The following JHY variants were observed in gnomAD, a reference collection of about 807,000 sequenced individuals.
JHY encodes jhy protein homolog.
JHY carries 69 observed loss-of-function variants against 78.0 expected under a neutral mutation model. That is an observed-to-expected ratio of 0.88 (90% confidence interval 0.73 to 1.08). The LOEUF is 1.08. Ranked by LOEUF, JHY falls within the 50% of genes least tolerant of loss-of-function variation. JHY has a pLI of 0.00. For missense variants in JHY, 944 were observed against 927.8 expected (o/e 1.02, Z -0.23); for synonymous variants, 368 against 342.6 (o/e 1.07, Z -0.82).
Position 122,883,472 on chromosome 11 carries a change from G to C in JHY, c.-90+500G>C, listed in dbSNP as rs1862429198. The stretch of plus-strand genomic sequence containing the variant: ...GCTAGTGGACTAGACCCACTGCAGG[G>C]ATCCCTGGGGAGCTGGCCGCTTCTT... On this transcript the variant is annotated intron_variant, in intron 1 of 8. Coordinates refer to ENST00000227349, the MANE Select transcript of JHY (RefSeq NM_024806.4). This position sits in a 1 kb window ranked among gnomAD's most constrained non-coding sequence, Gnocchi z 4.4. 6.6e-6 allele frequency among the ~76,000 whole-genome samples: 1 copy of C among 152,188 alleles called. No individual in the cohort carries two copies. Among genetic ancestry groups the C allele is most frequent in the Admixed American group, 6.5e-5 (1 of 15,276 alleles).
intron 3 of JHY, among the ~76,000 whole-genome samples, chr11:122,908,592 T>G (rs571871515): frequency 6.6e-6 from 1 of 152,352 alleles, no homozygotes; most frequent in South Asian, 2.1e-4. Flanking sequence ...GAATAAGTCA[T>G]TATCTACAGA....
In JHY at chr11:122,935,905, T is replaced by C. The variant is rs1328345775; in HGVS notation, c.1634+830T>C. On this transcript the variant is annotated intron_variant, in intron 5 of 8. Coordinates refer to ENST00000227349, the MANE Select transcript of JHY (RefSeq NM_024806.4). This position sits in a 1 kb window ranked among gnomAD's most constrained non-coding sequence, Gnocchi z 4.5. ...GGAAGAAAATAGTAAGGTACAAAAT[T>C]ACACCTTGGGTTGAATGACACTGGT... Among the ~76,000 whole-genome samples the C allele has an allele frequency of 6.6e-6, 1 of 152,248 alleles. No homozygotes were observed. The highest frequency in any genetic ancestry group is 1.9e-4 in the East Asian group (1 of 5,182).
At chr11:122,936,436 T>C (rs915949074) in intron 5 of JHY, among the ~76,000 whole-genome samples, 4 of 152,298 alleles carry the variant, frequency 2.6e-5, no homozygotes, top group Admixed American at 2.6e-4. Flanking sequence ...CTTTTTTTTT[T>C]TTCCTGATTT....
At position 122,917,186 on chromosome 11, in the gene JHY, A is replaced by T. The variant is rs1591380967; in HGVS notation, c.865-7711A>T. Among the ~76,000 whole-genome samples, 1 of 152,176 alleles carries T rather than the reference A, an allele frequency of 6.6e-6. No homozygotes were observed. The highest frequency in any genetic ancestry group is 1.9e-4 in the East Asian group (1 of 5,194). On this transcript the variant is annotated intron_variant, in intron 3 of 8. Transcript: ENST00000227349. This position sits in a 1 kb window ranked among gnomAD's most constrained non-coding sequence, Gnocchi z 4.1. ...GGAAAAGACTCTTGGTAAACATACAACTCAACAAGTGGAAGTAGAAGTACC... is the reference window on the plus strand; with the variant it reads ...GGAAAAGACTCTTGGTAAACATACATCTCAACAAGTGGAAGTAGAAGTACC...
At chr11:122,910,334 G>A (rs1028118993) in intron 3 of JHY, among the ~76,000 whole-genome samples, 11 of 151,988 alleles carry the variant, frequency 7.2e-5, no homozygotes, top group South Asian at 4.2e-4. Flanking sequence ...AATTAGCCGG[G>A]CATCGTGACG....
chr11:122,905,222 G>A (rs771193347), intron 3 of JHY: 21 of 1,613,954 alleles, frequency 1.3e-5, no homozygotes, highest in Non-Finnish European at 1.8e-5. Flanking sequence ...AAACCTTTTG[G>A]AGCCAGTAAA....
At chr11:122,910,934 T>C (rs1237394425) in intron 3 of JHY, among the ~76,000 whole-genome samples, 1 of 152,200 alleles carries the variant, frequency 6.6e-6, no homozygotes. Context: ...AATCACATGA[T>C]GTGTGAAGCG....
intron 5 of JHY, among the ~76,000 whole-genome samples, chr11:122,938,732 T>G (rs1416353036): frequency 6.6e-6 from 1 of 152,118 alleles, no homozygotes; most frequent in Non-Finnish European, 1.5e-5. Context: ...TTGGAAGCTC[T>G]GAGTGACAGT....
Position 122,883,329 on chromosome 11 carries a change from C to G in JHY, c.-90+357C>G, listed in dbSNP as rs1862425338. 6.6e-6 allele frequency among the ~76,000 whole-genome samples: 1 copy of G among 152,150 alleles called. No individual in the cohort carries two copies. The highest frequency in any genetic ancestry group is 1.5e-5 in the Non-Finnish European group (1 of 68,022). ...GCAAAGGTAGAAAACCGAACGCCTC[C>G]CCTGGGCAGCTTCCGGCCTGTTTCA... On this transcript the variant is annotated intron_variant, in intron 1 of 8. Coordinates refer to ENST00000227349, the MANE Select transcript of JHY (RefSeq NM_024806.4). This position sits in a 1 kb window ranked among gnomAD's most constrained non-coding sequence, Gnocchi z 4.4.
intron 2 of JHY, among the ~76,000 whole-genome samples, chr11:122,902,080 C>G (rs1398626878): frequency 6.9e-6 from 1 of 145,026 alleles, no homozygotes; most frequent in Non-Finnish European, 1.5e-5. Flanking sequence ...TCTGGAATCC[C>G]TCCTGAAGGA....
chr11:122,938,760 GC>G (rs1400010545), intron 5 of JHY, among the ~76,000 whole-genome samples: 3 of 151,706 alleles, frequency 2.0e-5, no homozygotes, highest in African/African-American at 7.3e-5. Context: ...GACTTTGAGT[GC>G]CTATAGAATG....
intron 2 of JHY, among the ~76,000 whole-genome samples, chr11:122,900,348 A>G (rs2135300290): frequency 6.6e-6 from 1 of 152,228 alleles, no homozygotes; most frequent in Non-Finnish European, 1.5e-5. Context: ...CCAGCATACA[A>G]TTATGTCCTC....
chr11:122,919,251 A>G (rs1863301919), intron 3 of JHY, among the ~76,000 whole-genome samples: 1 of 150,280 alleles, frequency 6.7e-6, no homozygotes, highest in Non-Finnish European at 1.5e-5. Flanking sequence ...TACTCGGGGT[A>G]CTGAGGCAGG....
intron 3 of JHY, chr11:122,905,097 A>G: frequency 9.4e-7 from 1 of 1,060,764 alleles, no homozygotes; most frequent in Non-Finnish European, 1.5e-6. Context: ...TGTGTAAATG[A>G]TATGATATGA....
intron 3 of JHY, among the ~76,000 whole-genome samples, chr11:122,906,246 C>T (rs1427782059): frequency 8.5e-5 from 13 of 152,172 alleles, no homozygotes; most frequent in Admixed American, 2.0e-4. Flanking sequence ...GGAATGCAAT[C>T]GCACGATCAT....
intron 5 of JHY, among the ~76,000 whole-genome samples, chr11:122,944,847 G>T (rs1191260443): frequency 6.6e-6 from 1 of 152,034 alleles, no homozygotes; most frequent in African/African-American, 2.4e-5. Context: ...GCTTTGAAAA[G>T]TCTTTTGTCA....
intron 2 of JHY, among the ~76,000 whole-genome samples, chr11:122,893,646 A>G (rs1179344876): frequency 6.6e-6 from 1 of 152,206 alleles, no homozygotes. Context: ...TTAATTCATG[A>G]CCTTTGCCTC....
Position 122,934,684 on chromosome 11 carries a change from G to T in JHY, c.1243G>T (p.Val415Leu). 6.2e-7 allele frequency: 1 copy of T among 1,614,180 alleles called. No homozygotes were observed. Among genetic ancestry groups the T allele is most frequent in the East Asian group, 2.2e-5 (1 of 44,886 alleles). ...TACTTCAACAAAGCCTGAATCGATTGTGATTATGCATGCCTCTAACAATGA... is the reference window on the plus strand; with the variant it reads ...TACTTCAACAAAGCCTGAATCGATTTTGATTATGCATGCCTCTAACAATGA... ...LDTSTKPESI[V>L]IMHASNNDVQ... Residue 415 changes from valine (V) to leucine (L), a missense_variant, in exon 5 of 9, where the codon GTG (valine) becomes TTG (leucine). Transcript: ENST00000227349.
chr11:122,906,957 C>G (rs1863006191), intron 3 of JHY, among the ~76,000 whole-genome samples: 1 of 152,064 alleles, frequency 6.6e-6, no homozygotes, highest in Non-Finnish European at 1.5e-5. Context: ...TGTACTTCTT[C>G]TTGCTCCTAT....
Sources: gnomAD v4.1 joint callset for allele counts (sites outside exome capture counted in the v4.1 genomes callset) on GRCh38, gnomAD v4.1.1 for gene constraint, Gnocchi (gnomAD v3.1) non-coding constraint, MANE v1.5 for transcripts, NCBI Gene and HGNC (gene_info 2026-07-23, HGNC 2026-07-21) for gene names.